The following EFHC1 variants were observed in gnomAD, a reference collection of about 807,000 sequenced individuals.
The protein encoded by EFHC1 is EF-hand domain-containing protein 1.
A neutral mutation model predicts 69.9 loss-of-function variants in EFHC1; 53 were observed. That is an observed-to-expected ratio of 0.76 (90% CI 0.61 to 0.95). The LOEUF (loss-of-function observed/expected upper bound fraction) is 0.95. Among genes scored for constraint, EFHC1 ranks in the 40% least tolerant of loss-of-function variants. The pLI is 0.00. For synonymous variants in EFHC1, 256 were observed against 278.4 expected, an observed-to-expected ratio of 0.92 and a Z score of 0.80; for missense variants, 739 against 798.7, an observed-to-expected ratio of 0.93 and a Z score of 0.90.
At chr6:52,444,605 A>G (rs1478058705) in intron 3 of EFHC1, among the ~76,000 whole-genome samples, 1 of 152,186 alleles carries the variant, frequency 6.6e-6, no homozygotes, top group Non-Finnish European at 1.5e-5. Context: ...TGATTCGTGT[A>G]TGTTGAACCA....
At chr6:52,464,082 G>T (rs1184374365) in intron 5 of EFHC1, among the ~76,000 whole-genome samples, 1 of 152,176 alleles carries the variant, frequency 6.6e-6, no homozygotes, top group East Asian at 1.9e-4. Context: ...ACAACTATAA[G>T]ATGTGGCACT....
intron 3 of EFHC1, among the ~76,000 whole-genome samples, chr6:52,449,889 A>G (rs1041670723): frequency 6.6e-6 from 1 of 152,036 alleles, no homozygotes; most frequent in Non-Finnish European, 1.5e-5. Flanking sequence ...TAGTTCTTTC[A>G]GTTGTGATAT....
At chr6:52,429,439 T>C (rs927465500) in intron 2 of EFHC1, among the ~76,000 whole-genome samples, 1 of 152,216 alleles carries the variant, frequency 6.6e-6, no homozygotes, top group Admixed American at 6.5e-5. Context: ...GCACAATTTG[T>C]TGAATAGGGT....
intron 7 of EFHC1, among the ~76,000 whole-genome samples, chr6:52,474,389 C>T (rs1765502169): frequency 6.6e-6 from 1 of 152,122 alleles, no homozygotes; most frequent in African/African-American, 2.4e-5. Context: ...TAGTGAGTTG[C>T]CTCTACCCAC....
chr6:52,450,596 G>A (rs1414353518), intron 3 of EFHC1, among the ~76,000 whole-genome samples: 2 of 152,040 alleles, frequency 1.3e-5, no homozygotes, highest in African/African-American at 4.8e-5. Context: ...GTGGTTTAAA[G>A]TCTGTTTTGT....
In EFHC1 at chr6:52,462,623, C is replaced by A. The variant is rs149071793; in HGVS notation, c.917-2272C>A. ...AGAAGTGGCTGGGCATGGTGGCTCA[C>A]ACCTGTAATCCCAGCACTTTGGGAG... On this transcript the variant is annotated intron_variant, in intron 5 of 10. Transcript: ENST00000371068. 5.5e-3 allele frequency among the ~76,000 whole-genome samples: 840 copies of A among 152,268 alleles called. 8 individuals carry two copies. The highest frequency in any genetic ancestry group is 0.019 in the African/African-American group (790 of 41,552).
At position 52,420,360 on chromosome 6, in the gene EFHC1, A is replaced by C; in HGVS notation, c.-51A>C. The C allele has an allele frequency of 6.2e-7, 1 of 1,613,020 alleles. No homozygotes were observed. The highest frequency in any genetic ancestry group is 8.5e-7 in the Non-Finnish European group (1 of 1,178,948). ...CGCGAACACTGCTTGTCGCCTGGGC[A>C]ACCGGAGAGGACGAAGCAGGACCTA... On this transcript the variant is annotated 5_prime_UTR_variant, in exon 1 of 11. Coordinates refer to ENST00000371068, the MANE Select transcript of EFHC1 (RefSeq NM_018100.4).
Position 52,444,457 on chromosome 6 carries a change from T to C in EFHC1, c.573+5866T>C, listed in dbSNP as rs146117437. Among the ~76,000 whole-genome samples, 578 of 152,278 alleles carry C rather than the reference T, an allele frequency of 3.8e-3. 5 individuals are homozygous for C. The highest frequency in any genetic ancestry group is 0.013 in the African/African-American group (533 of 41,564). ...AAATAGCTCTTATTATTTTGAGATA[T>C]GTCCCATCAATACCTAGTTTATTGA... On this transcript the variant is annotated intron_variant, in intron 3 of 10. Transcript: ENST00000371068.
intron 3 of EFHC1, among the ~76,000 whole-genome samples, chr6:52,445,447 C>G (rs1020342105): frequency 4.1e-4 from 61 of 147,148 alleles, no homozygotes; most frequent in African/African-American, 1.3e-3. Context: ...TGTCCCTCCC[C>G]CCTCCCCCTA....
At chr6:52,432,095 A>G (rs959997422) in intron 2 of EFHC1, among the ~76,000 whole-genome samples, 2 of 152,024 alleles carry the variant, frequency 1.3e-5, no homozygotes, top group Admixed American at 6.6e-5. Flanking sequence ...GTCCTTATGT[A>G]TTAGGTGAGT....
chr6:52,455,279 G>A (rs1765017509), intron 5 of EFHC1, among the ~76,000 whole-genome samples: 1 of 152,170 alleles, frequency 6.6e-6, no homozygotes, highest in African/African-American at 2.4e-5. Context: ...TTATGTTTGG[G>A]TGGCTGACAG....
chr6:52,474,984 T>C (rs1765515210), intron 7 of EFHC1, among the ~76,000 whole-genome samples: 1 of 151,174 alleles, frequency 6.6e-6, no homozygotes, highest in African/African-American at 2.4e-5. Context: ...GCTGTGCATT[T>C]TGATATTTTT....
chr6:52,436,305 C>A lies in EFHC1; in HGVS notation c.286-1999C>A, dbSNP rs141845356. Among the ~76,000 whole-genome samples, 67 of 152,206 alleles carry A rather than the reference C, an allele frequency of 4.4e-4. No homozygotes were observed. In the East Asian group the frequency reaches 0.011, roughly 25 times the overall value. The stretch of plus-strand genomic sequence containing the variant: ...TAAGGCCTTCATTATATTCACATTT[C>A]TCCTATGCACTTGTATGCACTTGCC... On this transcript the variant is annotated intron_variant, in intron 2 of 10. Transcript: ENST00000371068.
At chr6:52,457,519 C>T (rs1345204549) in intron 5 of EFHC1, among the ~76,000 whole-genome samples, 1 of 152,148 alleles carries the variant, frequency 6.6e-6, no homozygotes. Context: ...TTCAGAAGTC[C>T]TCTCAACCAG....
intron 2 of EFHC1, among the ~76,000 whole-genome samples, chr6:52,424,763 A>G (rs893785910): frequency 2.0e-5 from 3 of 152,164 alleles, no homozygotes; most frequent in East Asian, 1.9e-4. Flanking sequence ...TTCCTTGTCA[A>G]TGAGCCTCCT....
intron 5 of EFHC1, among the ~76,000 whole-genome samples, chr6:52,463,639 A>G (rs971492449): frequency 5.9e-5 from 9 of 152,258 alleles, no homozygotes; most frequent in African/African-American, 2.2e-4. Flanking sequence ...ACAAGATATC[A>G]GTAAACCTGA....
intron 2 of EFHC1, among the ~76,000 whole-genome samples, chr6:52,427,554 CT>C (rs58307591): frequency 0.78 from 115,384 of 147,502 alleles, 45,898 homozygotes; most frequent in Non-Finnish European, 0.85. Flanking sequence ...ACTTCCCTCT[CT>C]TTTTTTTTTT....
intron 9 of EFHC1, chr6:52,484,478 A>C (rs1418431334): frequency 3.9e-5 from 6 of 152,072 alleles, no homozygotes; most frequent in Non-Finnish European, 8.8e-5. Context: ...ATTTTTGCAA[A>C]CCTCTTAATG....
At chr6:52,448,461 A>G (rs1323137771) in intron 3 of EFHC1, among the ~76,000 whole-genome samples, 1 of 152,116 alleles carries the variant, frequency 6.6e-6, no homozygotes, top group East Asian at 1.9e-4. Flanking sequence ...TTTTCCAGAT[A>G]CTGTCTGTCA....
Sources: gnomAD v4.1 joint callset for allele counts (sites outside exome capture counted in the v4.1 genomes callset) on GRCh38, gnomAD v4.1.1 for gene constraint, MANE v1.5 for transcripts, NCBI Gene and HGNC (gene_info 2026-07-23, HGNC 2026-07-21) for gene names.